RBMS3: variants seen among roughly 807,000 people sequenced by gnomAD.
RBMS3 encodes the protein RNA binding motif single stranded interacting protein 3, also known as RNA-binding motif, single-stranded-interacting protein 3.
In RBMS3, 27 loss-of-function variants were observed where a neutral mutation model predicts 66.8. The observed-to-expected ratio is 0.40, with a 90% CI of 0.30 to 0.56. The LOEUF (loss-of-function observed/expected upper bound fraction) is 0.56, where lower values mean the gene tolerates loss of function less well. Among genes scored for constraint, RBMS3 ranks in the 20% least tolerant of loss-of-function variants. The pLI, the probability that RBMS3 is intolerant of heterozygous loss-of-function variation, is 0.40. For missense variants in RBMS3, 513 were observed against 549.5 expected, an observed-to-expected ratio of 0.93 and a Z score of 0.66; for synonymous variants, 188 against 183.0, an observed-to-expected ratio of 1.03 and a Z score of -0.22.
intron 1 of RBMS3, among the ~76,000 whole-genome samples, chr3:29,334,951 G>T (rs1371528857): frequency 2.0e-5 from 3 of 152,106 alleles, no homozygotes; most frequent in South Asian, 2.1e-4. Flanking sequence ...TCATGCATAG[G>T]TTGGAATTGT....
intron 12 of RBMS3, among the ~76,000 whole-genome samples, chr3:29,977,737 C>T (rs1697686481): frequency 6.6e-6 from 1 of 152,004 alleles, no homozygotes; most frequent in Non-Finnish European, 1.5e-5. Flanking sequence ...TAAGTTCAAG[C>T]TGCTACTTAT....
chr3:29,986,541 G>C (rs1698401532), intron 12 of RBMS3, among the ~76,000 whole-genome samples: 1 of 152,156 alleles, frequency 6.6e-6, no homozygotes, highest in South Asian at 2.1e-4. Context: ...TTGTAAAAAG[G>C]GCTAAATTAA....
chr3:29,436,325 A>C (rs1234806620), intron 2 of RBMS3, among the ~76,000 whole-genome samples: 11 of 152,224 alleles, frequency 7.2e-5, no homozygotes. Context: ...TAATTGTTTG[A>C]CAAAACAGTA....
intron 3 of RBMS3, among the ~76,000 whole-genome samples, chr3:29,583,898 G>GAC (rs145032982): frequency 0.042 from 6,397 of 150,962 alleles, 176 homozygotes; most frequent in Admixed American, 0.089. Flanking sequence ...GTGGGAAATA[G>GAC]ACACACACAC....
At chr3:29,609,912 G>T (rs572769605) in intron 4 of RBMS3, among the ~76,000 whole-genome samples, 1 of 152,108 alleles carries the variant, frequency 6.6e-6, no homozygotes, top group South Asian at 2.1e-4. Context: ...CCAAGTCAAA[G>T]AATTATTAAT....
At chr3:29,848,621 A>T (rs1345853860) in intron 6 of RBMS3, among the ~76,000 whole-genome samples, 1 of 152,238 alleles carries the variant, frequency 6.6e-6, no homozygotes, top group African/African-American at 2.4e-5. Flanking sequence ...AATATGGACA[A>T]ACCATGAATG....
intron 4 of RBMS3, among the ~76,000 whole-genome samples, chr3:29,678,340 T>TTA (rs1237920564): frequency 3.3e-5 from 5 of 152,228 alleles, no homozygotes; most frequent in East Asian, 1.9e-4. Context: ...CAGAGGAGAT[T>TTA]TATATATATA....
In RBMS3 at chr3:29,753,962, C is replaced by CT. The variant is rs1162238613; in HGVS notation, c.558-8935dup. Among the ~76,000 whole-genome samples the CT allele has an allele frequency of 5.9e-3, 860 of 145,454 alleles. 5 individuals are homozygous for CT. Among genetic ancestry groups the CT allele is most frequent in the Middle Eastern group, 0.011 (3 of 280 alleles). On this transcript the variant is annotated intron_variant, in intron 5 of 14. Transcript: ENST00000383767. The stretch of plus-strand genomic sequence containing the variant: ...AAATGAGATAAAAGATTGAAAAACT[C>CT]TTTTTTTTTTTTTGAGACAGAGTCT...
intron 1 of RBMS3, among the ~76,000 whole-genome samples, chr3:29,427,697 TAA>T (rs1393402615): frequency 3.9e-5 from 6 of 152,074 alleles, no homozygotes; most frequent in Non-Finnish European, 8.8e-5. Flanking sequence ...CTTGAGTGGA[TAA>T]AAAGAGTACA....
At chr3:29,365,832 T>G (rs2037871093) in intron 1 of RBMS3, among the ~76,000 whole-genome samples, 3 of 152,194 alleles carry the variant, frequency 2.0e-5, no homozygotes, top group Admixed American at 2.0e-4. Flanking sequence ...AATTTTATTT[T>G]GAAACTTCTT....
At chr3:29,772,539 G>A (rs963944699) in intron 6 of RBMS3, among the ~76,000 whole-genome samples, 3 of 151,988 alleles carry the variant, frequency 2.0e-5, no homozygotes, top group Middle Eastern at 3.4e-3. Context: ...AATAGTTACA[G>A]GCACCACTGC....
intron 1 of RBMS3, among the ~76,000 whole-genome samples, chr3:29,309,408 C>G (rs1356145070): frequency 1.3e-5 from 2 of 151,538 alleles, no homozygotes; most frequent in Non-Finnish European, 3.0e-5. Flanking sequence ...ACAATAACAC[C>G]AACAACAAAC....
chr3:29,566,170 C>G (rs577124504), intron 3 of RBMS3, among the ~76,000 whole-genome samples: 1 of 152,234 alleles, frequency 6.6e-6, no homozygotes, highest in East Asian at 1.9e-4. Context: ...TCTCTATGAT[C>G]TTGGCACTTA....
intron 1 of RBMS3, among the ~76,000 whole-genome samples, chr3:29,398,589 C>T (rs764529715): frequency 5.9e-5 from 9 of 152,188 alleles, no homozygotes; most frequent in Non-Finnish European, 1.0e-4. Context: ...AGATCTTTCT[C>T]AGGTCTTCCC....
intron 4 of RBMS3, among the ~76,000 whole-genome samples, chr3:29,681,619 C>T (rs1313015004): frequency 6.6e-6 from 1 of 151,762 alleles, no homozygotes; most frequent in Non-Finnish European, 1.5e-5. Context: ...GTTTTCTGTT[C>T]CCGCGTTAGT....
At chr3:29,386,540 A>C (rs2039016523) in intron 1 of RBMS3, among the ~76,000 whole-genome samples, 2 of 152,188 alleles carry the variant, frequency 1.3e-5, no homozygotes, top group South Asian at 4.2e-4. Context: ...CATCTCTTCT[A>C]CTTGTGCACT....
At chr3:29,641,135 C>T (rs901621688) in intron 4 of RBMS3, 1 of 151,988 alleles carries the variant, frequency 6.6e-6, no homozygotes, top group African/African-American at 2.4e-5. Flanking sequence ...ATCTTTTATT[C>T]TTCCTTCTTT....
In RBMS3 at chr3:29,533,422, C is replaced by A. The variant is rs137871019; in HGVS notation, c.307+44923C>A. Among the ~76,000 whole-genome samples, 277 of 152,260 alleles carry A rather than the reference C, an allele frequency of 1.8e-3. 8 individuals carry two copies. The East Asian group carries it at 0.042, about 23-fold the overall frequency. On this transcript the variant is annotated intron_variant, in intron 3 of 14. Coordinates refer to ENST00000383767, the MANE Select transcript of RBMS3 (RefSeq NM_001003793.3). ...GTTTGAGCCCAGGAGTTTGAGGCTG[C>A]AGTGAGCTGTGATCATGCTATTGCA...
chr3:29,935,645 G>C (rs1577194260), intron 10 of RBMS3, among the ~76,000 whole-genome samples: 1 of 152,108 alleles, frequency 6.6e-6, no homozygotes, highest in East Asian at 1.9e-4. Context: ...GATTGTATTG[G>C]GGTGACTAAG....
Sources: gnomAD v4.1 joint callset for allele counts (sites outside exome capture counted in the v4.1 genomes callset) on GRCh38, gnomAD v4.1.1 for gene constraint, MANE v1.5 for transcripts, NCBI Gene and HGNC (gene_info 2026-07-23, HGNC 2026-07-21) for gene names.